EHMT1: variants seen among roughly 807,000 people sequenced by gnomAD.
The protein encoded by EHMT1 is histone-lysine N-methyltransferase EHMT1.
A neutral mutation model predicts 147.2 loss-of-function variants in EHMT1; 15 were observed. The ratio of observed to expected loss-of-function variants is 0.10; its 90% CI spans 0.07 to 0.16. EHMT1 has a LOEUF of 0.16. Among genes scored for constraint, EHMT1 ranks in the 10% least tolerant of loss-of-function variants. The pLI is 1.00. For missense variants in EHMT1, 1,587 were observed against 1,772.4 expected (o/e 0.90, Z 1.88); for synonymous variants, 795 against 709.6 (o/e 1.12, Z -1.91).
chr9:137,687,592 G>T (rs949838060), intron 1 of EHMT1, among the ~76,000 whole-genome samples: 3 of 152,156 alleles, frequency 2.0e-5, no homozygotes, highest in African/African-American at 7.2e-5. Flanking sequence ...CTTTTGGGAG[G>T]TGCTTTTGTC....
At chr9:137,672,524 A>G (rs551063694) in intron 1 of EHMT1, among the ~76,000 whole-genome samples, 3 of 152,386 alleles carry the variant, frequency 2.0e-5, no homozygotes, top group African/African-American at 7.2e-5. Flanking sequence ...ACTCGTGGAC[A>G]AAATCCCTTT....
chr9:137,766,045 CCCAGGAGTTCAAGA>C (rs1436696931), intron 10 of EHMT1, among the ~76,000 whole-genome samples: 3 of 152,000 alleles, frequency 2.0e-5, no homozygotes, highest in Admixed American at 6.6e-5. Context: ...ATTGCTTGAG[CCCAGGAGTTCAAGA>C]CCAGCCTGGG....
chr9:137,826,683 G>A (rs567813754), intron 25 of EHMT1, among the ~76,000 whole-genome samples: 25 of 152,338 alleles, frequency 1.6e-4, no homozygotes, highest in Non-Finnish European at 2.8e-4. Context: ...GGGTGGAGCC[G>A]CAGCCCAGAG....
At chr9:137,821,692 A>G (rs767979341) in intron 25 of EHMT1, among the ~76,000 whole-genome samples, 3 of 152,136 alleles carry the variant, frequency 2.0e-5, no homozygotes, top group Non-Finnish European at 2.9e-5. Flanking sequence ...AGTCAGCTTA[A>G]CAAGTTCTAC....
chr9:137,742,065 A>G (rs565827841), intron 4 of EHMT1, among the ~76,000 whole-genome samples: 1 of 152,308 alleles, frequency 6.6e-6, no homozygotes, highest in South Asian at 2.1e-4. Context: ...AAGTGTCTGC[A>G]TGTTGGCTGT....
At chr9:137,686,099 C>T (rs1439015074) in intron 1 of EHMT1, among the ~76,000 whole-genome samples, 2 of 151,998 alleles carry the variant, frequency 1.3e-5, no homozygotes, top group Non-Finnish European at 2.9e-5. Flanking sequence ...TTATATTTTC[C>T]AGATACTGGG....
At chr9:137,798,666 G>A (rs572112281) in intron 16 of EHMT1, 147 bp from the exon 17 acceptor site, 136 of 733,152 alleles carry the variant, frequency 1.9e-4, no homozygotes, top group African/African-American at 1.5e-3. Context: ...CTGTTCCCTC[G>A]GCCTCAGCCT....
chr9:137,725,752 C>T lies in EHMT1; in HGVS notation c.643-2597C>T, dbSNP rs79832384. On this transcript the variant is annotated intron_variant, in intron 3 of 26. Coordinates refer to ENST00000460843, the MANE Select transcript of EHMT1 (RefSeq NM_024757.5). ...GAGGGAAACAGACACAGACAGAGTG[C>T]GCCTGTGAGACAGAGAGAGGTGGAG... Among the ~76,000 whole-genome samples the T allele has an allele frequency of 2.2e-3, 337 of 152,202 alleles. 7 individuals carry two copies. Among genetic ancestry groups the T allele is most frequent in the East Asian group, 0.021 (109 of 5,180 alleles).
chr9:137,788,404 AAGG>A (rs1952177118), intron 15 of EHMT1: 4 of 253,840 alleles, frequency 1.6e-5, no homozygotes, highest in Admixed American at 5.2e-5. Flanking sequence ...ACGCAGGTGT[AAGG>A]AGGTTGCAGG....
At chr9:137,721,979 ATT>A (rs398069071) in intron 3 of EHMT1, among the ~76,000 whole-genome samples, 2,934 of 141,142 alleles carry the variant, frequency 0.021, 107 homozygotes, top group African/African-American at 0.07. Context: ...AATTTCTCTA[ATT>A]TTTTTTTTTT....
rs1210750809 is a variant in EHMT1, at chr9:137,660,417, G to T, written c.21+41368G>T. On this transcript the variant is annotated intron_variant, in intron 1 of 26. Coordinates refer to ENST00000460843, the MANE Select transcript of EHMT1 (RefSeq NM_024757.5). ...GTATTGAGCAAGCCCTCCTTTCTTCGTCAGCCTGTCATACCGTATCCCACA... is the reference window on the plus strand; with the variant it reads ...GTATTGAGCAAGCCCTCCTTTCTTCTTCAGCCTGTCATACCGTATCCCACA... Among the ~76,000 whole-genome samples, 4 of 152,128 alleles carry T rather than the reference G, an allele frequency of 2.6e-5. No homozygotes were observed. The East Asian group carries it at 7.7e-4, about 29-fold the overall frequency.
At chr9:137,675,417 G>T (rs1408299059) in intron 1 of EHMT1, among the ~76,000 whole-genome samples, 1 of 152,102 alleles carries the variant, frequency 6.6e-6, no homozygotes, top group African/African-American at 2.4e-5. Context: ...GGGGGTTGGT[G>T]TGAGGGAGCA....
chr9:137,670,812 G>A (rs1940515398), intron 1 of EHMT1, among the ~76,000 whole-genome samples: 1 of 152,192 alleles, frequency 6.6e-6, no homozygotes, highest in South Asian at 2.1e-4. Context: ...CCAGGGGAAG[G>A]AGAAGCCAGA....
At chr9:137,825,872 C>G (rs1955779648) in intron 25 of EHMT1, among the ~76,000 whole-genome samples, 1 of 152,198 alleles carries the variant, frequency 6.6e-6, no homozygotes, top group Non-Finnish European at 1.5e-5. Context: ...GAGGCGTGGC[C>G]TTTCAGGACT....
chr9:137,690,284 A>G (rs1425777342), intron 1 of EHMT1, among the ~76,000 whole-genome samples: 1 of 152,192 alleles, frequency 6.6e-6, no homozygotes, highest in Non-Finnish European at 1.5e-5. Flanking sequence ...TCTATTTCAC[A>G]GTATTTCATA....
Position 137,766,620 on chromosome 9 carries a change from C to T in EHMT1, c.1647+3800C>T, listed in dbSNP as rs941719851. 3.0e-4 allele frequency among the ~76,000 whole-genome samples: 45 copies of T among 152,080 alleles called. 1 individual carries two copies. Among genetic ancestry groups the T allele is most frequent in the Admixed American group, 2.9e-3 (44 of 15,274 alleles). ...ACAGAGTGAGACTCCGTCACAAAAA[C>T]AAAAACAAAAACAAAAACTACCTGT... On this transcript the variant is annotated intron_variant, in intron 10 of 26. Coordinates refer to ENST00000460843, the MANE Select transcript of EHMT1 (RefSeq NM_024757.5).
rs745860766 is a variant in EHMT1, at chr9:137,802,490, A to G, written c.2712+1506A>G. The G allele has an allele frequency of 1.3e-5, 5 of 398,568 alleles. No individual in the cohort carries two copies. The South Asian group carries it at 6.4e-4, about 51-fold the overall frequency. 24.7% of individuals were successfully genotyped at this position (398,568 alleles called of 1,614,324 possible). A position where few individuals can be genotyped will look rare whatever the true frequency, so the allele number is the denominator to read the frequency against. Reference sequence around the variant, plus strand: ...TAATAAGAAAGAAGATTTGACACAGAAAAAGAAGATTTCTAAAAGCACACT... The same window carrying G: ...TAATAAGAAAGAAGATTTGACACAGGAAAAGAAGATTTCTAAAAGCACACT... On this transcript the variant is annotated intron_variant, in intron 18 of 26. Transcript: ENST00000460843.
chr9:137,692,196 T>G (rs1942990880), intron 1 of EHMT1, among the ~76,000 whole-genome samples: 1 of 152,042 alleles, frequency 6.6e-6, no homozygotes, highest in African/African-American at 2.4e-5. Context: ...CGTGCACCTG[T>G]GGATCTTTCA....
At chr9:137,824,955 T>G (rs561832295) in intron 25 of EHMT1, among the ~76,000 whole-genome samples, 1 of 152,306 alleles carries the variant, frequency 6.6e-6, no homozygotes, top group African/African-American at 2.4e-5. Context: ...AGCTTTGTTT[T>G]CTGGAAGGTC....
Sources: allele counts gnomAD v4.1 joint callset (sites outside exome capture counted in the v4.1 genomes callset), GRCh38; gene constraint gnomAD v4.1.1; transcripts MANE v1.5; gene names NCBI Gene and HGNC (gene_info 2026-07-23, HGNC 2026-07-21).